The following DENND4C variants were observed in gnomAD, a reference collection of about 807,000 sequenced individuals.
The protein encoded by DENND4C is DENN domain-containing protein 4C.
Under a neutral mutation model 203.0 loss-of-function variants are expected in DENND4C, and 108 were observed. The observed-to-expected ratio is 0.53, with a 90% CI of 0.46 to 0.62. The LOEUF (loss-of-function observed/expected upper bound fraction) is 0.62. Among genes scored for constraint, DENND4C ranks in the 20% least tolerant of loss-of-function variants. DENND4C has a pLI of 0.00. For missense variants in DENND4C, 2,481 were observed against 2,301.2 expected, an observed-to-expected ratio of 1.08 and a Z score of -1.60; for synonymous variants, 871 against 792.4, an observed-to-expected ratio of 1.10 and a Z score of -1.67.
At chr9:19,273,853 AT>A (rs1412488313) in intron 1 of DENND4C, among the ~76,000 whole-genome samples, 1 of 152,060 alleles carries the variant, frequency 6.6e-6, no homozygotes, top group African/African-American at 2.4e-5. Context: ...TTAGAAAACT[AT>A]TAGGTAGTTT....
chr9:19,355,400 G>A (rs948493419), intron 26 of DENND4C, among the ~76,000 whole-genome samples: 12 of 151,916 alleles, frequency 7.9e-5, no homozygotes, highest in Middle Eastern at 3.2e-3. Context: ...ATCCTTGAAC[G>A]TTTTTGCTTA....
intron 24 of DENND4C, 103 bp downstream of exon 24, chr9:19,350,982 C>G (rs2803125): frequency 0.14 from 176,931 of 1,232,314 alleles, 14,627 homozygotes; most frequent in Middle Eastern, 0.33. Flanking sequence ...AGGCTGGTCT[C>G]GAACTCCTGG....
At chr9:19,305,584 C>T in intron 10 of DENND4C, 57 bp downstream of exon 10, 1 of 1,505,392 alleles carries the variant, frequency 6.6e-7, no homozygotes, top group Non-Finnish European at 9.0e-7. Flanking sequence ...TGTAGAGTTA[C>T]AGTTCTTTGA....
intron 3 of DENND4C, 40 bp downstream of exon 3, chr9:19,287,061 C>T: frequency 8.1e-7 from 1 of 1,230,758 alleles, no homozygotes; most frequent in African/African-American, 1.6e-5. Flanking sequence ...TCATATGAAA[C>T]CAAAAAGGGA....
chr9:19,306,148 A>G (rs1209997548), intron 10 of DENND4C, among the ~76,000 whole-genome samples: 1 of 152,222 alleles, frequency 6.6e-6, no homozygotes. Flanking sequence ...CCCCACCAAA[A>G]GTGGGAAAGG....
chr9:19,371,933 A>G (rs558383109), intron 32 of DENND4C, 104 bp from the exon 33 acceptor site: 3 of 1,342,196 alleles, frequency 2.2e-6, no homozygotes, highest in East Asian at 2.3e-5. Context: ...CTACTTCTAA[A>G]TATATAGTTC....
intron 7 of DENND4C, among the ~76,000 whole-genome samples, chr9:19,298,603 T>G (rs563782029): frequency 6.6e-6 from 1 of 152,270 alleles, no homozygotes; most frequent in Admixed American, 6.5e-5. Context: ...CTATATCCTC[T>G]CTATAATAAT....
intron 1 of DENND4C, among the ~76,000 whole-genome samples, chr9:19,233,228 C>T (rs990671466): frequency 1.3e-5 from 2 of 150,504 alleles, no homozygotes; most frequent in East Asian, 1.9e-4. Context: ...ATAGCAAGGG[C>T]AGATAAGCTT....
intron 12 of DENND4C, among the ~76,000 whole-genome samples, chr9:19,320,322 C>A (rs1328678280): frequency 6.6e-6 from 1 of 152,068 alleles, no homozygotes; most frequent in Non-Finnish European, 1.5e-5. Context: ...CCTCAGCCTC[C>A]CTAATAGCTG....
chr9:19,311,290 AT>A (rs1840691845), intron 10 of DENND4C, among the ~76,000 whole-genome samples: 1 of 151,782 alleles, frequency 6.6e-6, no homozygotes, highest in Non-Finnish European at 1.5e-5. Flanking sequence ...TGCCTGGCTA[AT>A]TTTTTTGTAT....
At position 19,296,002 on chromosome 9, in the gene DENND4C, C is replaced by G. The variant is rs544315558; in HGVS notation, c.802-6C>G. ...AATCTTATAACAGAATTCTGTTACT[C>G]TTTAGGTATATGGAGCTGCCATTCA... On this transcript the variant is annotated splice_polypyrimidine_tract_variant and splice_region_variant and intron_variant, in intron 5 of 32. Coordinates refer to ENST00000434457, the MANE Select transcript of DENND4C (RefSeq NM_001330640.2). 17 of 1,593,776 alleles carry G rather than the reference C, an allele frequency of 1.1e-5. No homozygotes were observed. Among genetic ancestry groups the G allele is most frequent in the African/African-American group, 8.1e-5 (6 of 74,268 alleles).
intron 10 of DENND4C, among the ~76,000 whole-genome samples, chr9:19,306,058 G>A (rs1295181865): frequency 6.6e-6 from 1 of 152,174 alleles, no homozygotes; most frequent in Non-Finnish European, 1.5e-5. Flanking sequence ...TACAGCAGTG[G>A]TACAGCTGAG....
intron 22 of DENND4C, among the ~76,000 whole-genome samples, chr9:19,343,792 T>C (rs1031444177): frequency 5.9e-5 from 9 of 152,254 alleles, no homozygotes; most frequent in Admixed American, 5.2e-4. Flanking sequence ...TGGACTGTTG[T>C]GTTTCCTTCC....
intron 10 of DENND4C, among the ~76,000 whole-genome samples, chr9:19,306,061 C>T (rs189212340): frequency 6.6e-6 from 1 of 152,238 alleles, no homozygotes; most frequent in Non-Finnish European, 1.5e-5. Flanking sequence ...AGCAGTGGTA[C>T]AGCTGAGGGT....
intron 12 of DENND4C, among the ~76,000 whole-genome samples, chr9:19,318,578 T>G (rs946939389): frequency 2.0e-5 from 3 of 152,190 alleles, no homozygotes; most frequent in African/African-American, 7.2e-5. Flanking sequence ...TACCACAGAC[T>G]AGGTGGCTTA....
At chr9:19,253,288 T>A (rs1446691261) in intron 1 of DENND4C, among the ~76,000 whole-genome samples, 1 of 152,248 alleles carries the variant, frequency 6.6e-6, no homozygotes, top group Non-Finnish European at 1.5e-5. Context: ...AGTGGCAGCC[T>A]GCATTCTCTC....
chr9:19,269,453 C>A (rs1831181395), intron 1 of DENND4C, among the ~76,000 whole-genome samples: 2 of 152,210 alleles, frequency 1.3e-5, no homozygotes, highest in African/African-American at 4.8e-5. Flanking sequence ...GCCACCGTGT[C>A]CGGCCCCTTG....
At chr9:19,352,715 G>T in intron 26 of DENND4C, 50 bp downstream of exon 26, 1 of 1,389,242 alleles carries the variant, frequency 7.2e-7, no homozygotes, top group South Asian at 1.6e-5. Flanking sequence ...CAAAAAACAC[G>T]ACTTCTGGGA....
At chr9:19,279,623 G>A (rs1418817022) in intron 2 of DENND4C, among the ~76,000 whole-genome samples, 1 of 151,724 alleles carries the variant, frequency 6.6e-6, no homozygotes, top group Non-Finnish European at 1.5e-5. Context: ...GTTGCAGTGA[G>A]CCAAGATTGT....
Sources: allele counts gnomAD v4.1 joint callset (sites outside exome capture counted in the v4.1 genomes callset), GRCh38; gene constraint gnomAD v4.1.1; transcripts MANE v1.5; gene names NCBI Gene and HGNC (gene_info 2026-07-23, HGNC 2026-07-21).